CD36: variants seen among roughly 807,000 people sequenced by gnomAD.
The protein encoded by CD36 is platelet glycoprotein 4.
A neutral mutation model predicts 55.2 loss-of-function variants in CD36; 119 were observed. The observed-to-expected ratio is 2.15, with a 90% confidence interval of 1.86 to 2.51. The LOEUF (loss-of-function observed/expected upper bound fraction) is 2.51, where lower values mean the gene tolerates loss of function less well. CD36 is among the 30% of genes most tolerant of loss of function. The pLI is 0.00. For missense variants in CD36, 819 were observed against 555.5 expected (o/e 1.47, Z -4.77); for synonymous variants, 186 against 193.6 (o/e 0.96, Z 0.33).
chr7:80,664,866 ACAAC>A (rs982800877), intron 7 of CD36, among the ~76,000 whole-genome samples: 2 of 151,050 alleles, frequency 1.3e-5, no homozygotes, highest in Admixed American at 6.6e-5. Flanking sequence ...AAAAAAAAAA[ACAAC>A]ACATCAACTG....
intron 3 of CD36, among the ~76,000 whole-genome samples, chr7:80,647,613 A>G (rs771615234): frequency 6.6e-6 from 1 of 152,080 alleles, no homozygotes; most frequent in Non-Finnish European, 1.5e-5. Flanking sequence ...TGATAGGGGG[A>G]AGAAGAGAAT....
chr7:80,670,973 T>G lies in CD36; in HGVS notation c.819-4T>G. The G allele has an allele frequency of 1.2e-6, 2 of 1,606,956 alleles. No homozygotes were observed. The highest frequency in any genetic ancestry group is 1.7e-6 in the Non-Finnish European group (2 of 1,173,692). On this transcript the variant is annotated splice_polypyrimidine_tract_variant and splice_region_variant and intron_variant, in intron 9 of 14. Transcript: ENST00000447544. ...GAATGCAGCTCTTTTTTCTCTGTAT[T>G]TAGGTCAATCTATGCTGTATTTGAA...
chr7:80,619,591 G>A (rs1793342968), intron 1 of CD36, among the ~76,000 whole-genome samples: 1 of 147,172 alleles, frequency 6.8e-6, no homozygotes, highest in African/African-American at 2.5e-5. Flanking sequence ...AGATTGCAGT[G>A]AGCCTATTTT....
rs750344976 is a variant in CD36 at position 80,664,446 on chromosome 7, G to A, written c.650G>A (p.Gly217Glu). Residue 217 changes from glycine to glutamate, a missense_variant, in exon 7 of 15, where the codon GGA becomes GAA. Physicochemically the swap from Gly to Glu is moderately conservative, Grantham distance 98. Coordinates refer to ENST00000447544, the MANE Select transcript of CD36 (RefSeq NM_001001548.3). ...TADGVYKVFN[G>E]KDNISKVAII... is the part of the protein sequence containing the mutation. The stretch of plus-strand genomic sequence containing the variant: ...GATGGAGTTTATAAAGTTTTCAATG[G>A]AAAAGATAACATAAGTAAAGTTGCC... The A allele has an allele frequency of 1.9e-6, 3 of 1,582,376 alleles. No individual in the cohort carries two copies. Among genetic ancestry groups the A allele is most frequent in the Non-Finnish European group, 2.6e-6 (3 of 1,151,558 alleles).
chr7:80,620,147 G>A (rs1311421266), intron 1 of CD36, among the ~76,000 whole-genome samples: 5 of 151,962 alleles, frequency 3.3e-5, no homozygotes, highest in African/African-American at 9.7e-5. Context: ...CATCACAAAA[G>A]CAGAGTTCGA....
chr7:80,638,494 C>T (rs971231484), upstream of CD36: 1 of 147,932 alleles, frequency 6.8e-6, no homozygotes, highest in African/African-American at 2.5e-5. Flanking sequence ...CAGTAATGTG[C>T]TGTGTGGGGG....
intron 12 of CD36, 84 bp from the exon 13 acceptor site, chr7:80,673,271 C>CTAAT: frequency 1.5e-6 from 1 of 668,522 alleles, no homozygotes; most frequent in South Asian, 2.1e-5. Context: ...GCAACAGCAA[C>CTAAT]TAATTTATGA....
chr7:80,653,251 G>T (rs1562798281), intron 3 of CD36, among the ~76,000 whole-genome samples: 1 of 152,156 alleles, frequency 6.6e-6, no homozygotes, highest in Non-Finnish European at 1.5e-5. Context: ...AATGTGTAAA[G>T]TCCTTGAAAA....
chr7:80,664,242 A>C (rs1796804600), intron 6 of CD36, among the ~76,000 whole-genome samples, 164 bp from the exon 7 acceptor site: 1 of 151,656 alleles, frequency 6.6e-6, no homozygotes, highest in South Asian at 2.1e-4. Context: ...ATTTCTAGGC[A>C]CCTTTCACAA....
chr7:80,626,872 T>C (rs1295011347), intron 1 of CD36, among the ~76,000 whole-genome samples: 1 of 152,130 alleles, frequency 6.6e-6, no homozygotes, highest in Non-Finnish European at 1.5e-5. Flanking sequence ...TTGTTTTACA[T>C]GCTAACGAGT....
At chr7:80,673,304 T>TATATAAATATTAGTTTATA in intron 12 of CD36, 51 bp from the exon 13 acceptor site, 3 of 812,472 alleles carry the variant, frequency 3.7e-6, no homozygotes, top group Non-Finnish European at 6.1e-6. Flanking sequence ...AAGTTTGTTA[T>TATATAAATATTAGTTTATA]ATATAAATAT....
intron 1 of CD36, among the ~76,000 whole-genome samples, chr7:80,605,905 G>C (rs918826211): frequency 2.6e-5 from 4 of 152,056 alleles, no homozygotes; most frequent in African/African-American, 9.7e-5. Context: ...TTAATATACA[G>C]GGATAAGAGC....
rs1797913431 is a variant in CD36, at chr7:80,673,356, G to GTATTAAAGAATCTGAAGAGGAACTA, written c.1206_1230dup (p.Val411LysfsTer15). The GTATTAAAGAATCTGAAGAGGAACTA allele has an allele frequency of 1.0e-5, 14 of 1,402,102 alleles. No individual in the cohort carries two copies. In the Middle Eastern group the frequency reaches 2.6e-3, roughly 257 times the overall value. 86.9% of individuals were successfully genotyped at this position (1,402,102 alleles called of 1,614,324 possible). A position where few individuals can be genotyped will look rare whatever the true frequency, so the allele number is the denominator to read the frequency against. ...AATTATTTTCAACGTATATTACAGAGTATTAAAGAATCTGAAGAGGAACTA... is the reference window on the plus strand; with the variant it reads ...AATTATTTTCAACGTATATTACAGAGTATTAAAGAATCTGAAGAGGAACTATATTAAAGAATCTGAAGAGGAACTA... On this transcript the variant is annotated frameshift_variant and splice_region_variant, in exon 13 of 15. Coordinates refer to ENST00000447544, the MANE Select transcript of CD36 (RefSeq NM_001001548.3). LOFTEE classifies it high-confidence loss of function.
intron 3 of CD36, among the ~76,000 whole-genome samples, chr7:80,654,748 A>T (rs3211855): frequency 0.95 from 144,655 of 152,218 alleles, 68,902 homozygotes; most frequent in East Asian, 1. Context: ...TAGGATTTTG[A>T]AATTCCATTT....
chr7:80,630,666 C>T (rs1035141368), intron 1 of CD36, among the ~76,000 whole-genome samples: 36 of 152,038 alleles, frequency 2.4e-4, no homozygotes, highest in Admixed American at 2.0e-3. Flanking sequence ...ACTGCAGGCT[C>T]CTTTCCTCCT....
intron 1 of CD36, among the ~76,000 whole-genome samples, chr7:80,619,775 G>T (rs1257274150): frequency 1.3e-5 from 2 of 151,866 alleles, no homozygotes; most frequent in Non-Finnish European, 2.9e-5. Flanking sequence ...GATAATATTT[G>T]TGATTCATAG....
At chr7:80,637,811 G>T (rs1794529515), upstream of CD36, among the ~76,000 whole-genome samples, 1 of 151,924 alleles carries the variant, frequency 6.6e-6, no homozygotes, top group Non-Finnish European at 1.5e-5. Flanking sequence ...TTTCCTGTAT[G>T]ATTCTGAGAA....
intron 1 of CD36, among the ~76,000 whole-genome samples, chr7:80,612,593 T>C (rs762496170): frequency 2.7e-4 from 41 of 152,212 alleles, no homozygotes; most frequent in Non-Finnish European, 3.8e-4. Context: ...GTGGAACTTA[T>C]ATAAATGTGG....
At position 80,656,765 on chromosome 7, in the gene CD36, A is replaced by G. The variant is rs3211863; in HGVS notation, c.281+65A>G. 375 of 1,412,658 alleles carry G rather than the reference A, an allele frequency of 2.7e-4. 2 individuals are homozygous for G. In the East Asian group the frequency reaches 7.9e-3, roughly 30 times the overall value. 87.5% of individuals were successfully genotyped at this position (1,412,658 alleles called of 1,614,324 possible). A position where few individuals can be genotyped will look rare whatever the true frequency, so the allele number is the denominator to read the frequency against. On this transcript the variant is annotated intron_variant, in intron 4 of 14. Coordinates refer to ENST00000447544, the MANE Select transcript of CD36 (RefSeq NM_001001548.3). Reference sequence around the variant, plus strand: ...ACCATGTATTTCTGAGAAGTCTTCTACTTGGCAAATGTCATTGTATTGAAA... The same window carrying G: ...ACCATGTATTTCTGAGAAGTCTTCTGCTTGGCAAATGTCATTGTATTGAAA...
Sources: gnomAD v4.1 joint callset for allele counts (sites outside exome capture counted in the v4.1 genomes callset) on GRCh38, gnomAD v4.1.1 for gene constraint, MANE v1.5 for transcripts, NCBI Gene and HGNC (gene_info 2026-07-23, HGNC 2026-07-21) for gene names.